Variants in CSDC2 observed in about 807,000 individuals in gnomAD.
CSDC2 encodes the protein cold shock domain-containing protein C2.
A neutral mutation model predicts 15.8 loss-of-function variants in CSDC2; 8 were observed. The ratio of observed to expected loss-of-function variants is 0.51; its 90% CI spans 0.30 to 0.92. The LOEUF (loss-of-function observed/expected upper bound fraction) is 0.92, where lower values mean the gene tolerates loss of function less well. Among genes scored for constraint, CSDC2 ranks in the 40% least tolerant of loss-of-function variants. The pLI is 0.07. For missense variants in CSDC2, 195 were observed against 213.3 expected (o/e 0.91, Z 0.53); for synonymous variants, 96 against 92.3 (o/e 1.04, Z -0.23).
At chr22:41,570,560 G>A (rs1185425973) in intron 1 of CSDC2, among the ~76,000 whole-genome samples, 1 of 152,072 alleles carries the variant, frequency 6.6e-6, no homozygotes, top group Non-Finnish European at 1.5e-5. Context: ...GAGGCCACAG[G>A]CCTGTAACCC....
chr22:41,572,009 A>T lies in CSDC2; in HGVS notation c.44A>T (p.His15Leu). The T allele has an allele frequency of 7.5e-7, 1 of 1,332,254 alleles. No individual in the cohort carries two copies. Among genetic ancestry groups the T allele is most frequent in the South Asian group, 2.2e-5 (1 of 46,376 alleles). 82.5% of individuals were successfully genotyped at this position (1,332,254 alleles called of 1,614,324 possible). A position where few individuals can be genotyped will look rare whatever the true frequency, so the allele number is the denominator to read the frequency against. Residue 15 changes from histidine (H) to leucine (L), a missense_variant, in exon 2 of 4, where the codon CAC becomes CTC. Transcript: ENST00000306149. ...TCACCCCCAGTTGTGCCCCCGCTCCACTCCCCCAAGTCCCCAGTCTGGCCC... is the reference window on the plus strand; with the variant it reads ...TCACCCCCAGTTGTGCCCCCGCTCCTCTCCCCCAAGTCCCCAGTCTGGCCC... ...STSPPVVPPLHSPKSPVWPTF... is the reference protein window; with the variant it reads ...STSPPVVPPLLSPKSPVWPTF...
chr22:41,569,146 C>T (rs919084536), intron 1 of CSDC2, among the ~76,000 whole-genome samples: 2 of 152,264 alleles, frequency 1.3e-5, no homozygotes, highest in Admixed American at 6.5e-5. Context: ...TCCCCATCGC[C>T]TGCCAACCCT....
Position 41,574,926 on chromosome 22 carries a change from G to A in CSDC2, c.*31G>A. 6.4e-7 allele frequency: 1 copy of A among 1,556,790 alleles called. No homozygotes were observed. Among genetic ancestry groups the A allele is most frequent in the Non-Finnish European group, 8.7e-7 (1 of 1,150,958 alleles). On this transcript the variant is annotated 3_prime_UTR_variant, in exon 4 of 4. Coordinates refer to ENST00000306149, the MANE Select transcript of CSDC2 (RefSeq NM_014460.4). ...GTGGTTCACAGGCCAGCTGGCCGGGGGTTGGGGAGCCACACAGGGTGAACG... is the reference window on the plus strand; with the variant it reads ...GTGGTTCACAGGCCAGCTGGCCGGGAGTTGGGGAGCCACACAGGGTGAACG...
At chr22:41,563,019 C>T (rs1410825012) in intron 1 of CSDC2, among the ~76,000 whole-genome samples, 1 of 152,126 alleles carries the variant, frequency 6.6e-6, no homozygotes, top group Non-Finnish European at 1.5e-5. Context: ...TCTCCCAGTG[C>T]CGTCCTGGTT....
chr22:41,562,440 C>T (rs958143932), intron 1 of CSDC2, among the ~76,000 whole-genome samples: 1 of 148,988 alleles, frequency 6.7e-6, no homozygotes, highest in South Asian at 2.1e-4. Context: ...TAGACAGGAA[C>T]TGCCTGCCCG....
chr22:41,565,710 A>G (rs2067110595), intron 1 of CSDC2, among the ~76,000 whole-genome samples: 1 of 152,228 alleles, frequency 6.6e-6, no homozygotes, highest in Admixed American at 6.5e-5. Context: ...TCATCTGCCA[A>G]GAAGGCTGAG....
At position 41,576,212 on chromosome 22, in the gene CSDC2, T is replaced by C. The variant is rs1457302942; in HGVS notation, c.*1317T>C. ...CAGGATGAGGGGATCAGTGACTGTC[T>C]AGGAGGATCCCTTGCCTTGTAGGTG... On this transcript the variant is annotated 3_prime_UTR_variant, in exon 4 of 4. Transcript: ENST00000306149. 6.6e-6 allele frequency: 1 copy of C among 152,224 alleles called. No homozygotes were observed. Among genetic ancestry groups the C allele is most frequent in the East Asian group, 1.9e-4 (1 of 5,188 alleles). 9.4% of individuals were successfully genotyped at this position (152,224 alleles called of 1,614,324 possible). A position where few individuals can be genotyped will look rare whatever the true frequency, so the allele number is the denominator to read the frequency against.
chr22:41,566,917 C>A (rs1383883141), intron 1 of CSDC2, among the ~76,000 whole-genome samples: 8 of 149,764 alleles, frequency 5.3e-5, no homozygotes, highest in African/African-American at 1.5e-4. Flanking sequence ...ACAGAGCGAT[C>A]CTCCGTCTCA....
At chr22:41,573,370 T>A (rs78365363) in intron 2 of CSDC2, among the ~76,000 whole-genome samples, 1,941 of 149,776 alleles carry the variant, frequency 0.013, 35 homozygotes, top group African/African-American at 0.043. Flanking sequence ...AAAAAAAAAA[T>A]TTTTTTTGTA....
At chr22:41,569,926 G>T (rs893728814) in intron 1 of CSDC2, among the ~76,000 whole-genome samples, 2 of 151,784 alleles carry the variant, frequency 1.3e-5, no homozygotes, top group African/African-American at 4.8e-5. Flanking sequence ...ACTACAGGTG[G>T]ATGCCATCAC....
intron 1 of CSDC2, among the ~76,000 whole-genome samples, chr22:41,564,210 C>T (rs1240963397): frequency 1.3e-5 from 2 of 151,878 alleles, no homozygotes; most frequent in Non-Finnish European, 1.5e-5. Context: ...ATCAATAGAT[C>T]ACTAGATGGT....
At chr22:41,571,269 G>A (rs1034841442) in intron 1 of CSDC2, among the ~76,000 whole-genome samples, 7 of 152,010 alleles carry the variant, frequency 4.6e-5, no homozygotes, top group Admixed American at 3.3e-4. Context: ...CAGGAGAATC[G>A]CTTATACCCA....
intron 1 of CSDC2, among the ~76,000 whole-genome samples, chr22:41,564,155 G>C (rs1398748777): frequency 6.6e-6 from 1 of 151,700 alleles, no homozygotes; most frequent in Non-Finnish European, 1.5e-5. Flanking sequence ...GTTCTTATGA[G>C]TACGAAATGA....
chr22:41,566,192 T>C, intron 1 of CSDC2, among the ~76,000 whole-genome samples: 1 of 144,676 alleles, frequency 6.9e-6, no homozygotes, highest in African/African-American at 2.6e-5. Context: ...ACGCCTGTAA[T>C]CCCAGCACTT....
intron 1 of CSDC2, among the ~76,000 whole-genome samples, chr22:41,571,048 G>A (rs1228326993): frequency 1.3e-5 from 2 of 151,432 alleles, no homozygotes; most frequent in African/African-American, 4.9e-5. Flanking sequence ...ATAAGAGTCA[G>A]AAGTTAAGAG....
chr22:41,572,554 G>A (rs1350103999), intron 2 of CSDC2, among the ~76,000 whole-genome samples: 1 of 151,920 alleles, frequency 6.6e-6, no homozygotes, highest in African/African-American at 2.4e-5. Context: ...GATTTACTGA[G>A]CTCCTGACCA....
chr22:41,571,424 C>T (rs1352902150), intron 1 of CSDC2, among the ~76,000 whole-genome samples: 1 of 152,148 alleles, frequency 6.6e-6, no homozygotes, highest in African/African-American at 2.4e-5. Flanking sequence ...GGATTCAAAC[C>T]CAGGCCTGGG....
At chr22:41,573,235 A>G (rs2067157369) in intron 2 of CSDC2, among the ~76,000 whole-genome samples, 1 of 151,990 alleles carries the variant, frequency 6.6e-6, no homozygotes, top group Admixed American at 6.6e-5. Flanking sequence ...GGTGCCTGTA[A>G]TCCCAGCTAC....
intron 1 of CSDC2, among the ~76,000 whole-genome samples, chr22:41,566,922 G>A (rs1470147341): frequency 1.2e-4 from 17 of 142,684 alleles, no homozygotes; most frequent in South Asian, 8.7e-4. Flanking sequence ...GCGATCCTCC[G>A]TCTCAAAAAA....
Sources: allele counts gnomAD v4.1 joint callset (sites outside exome capture counted in the v4.1 genomes callset), GRCh38; gene constraint gnomAD v4.1.1; transcripts MANE v1.5; gene names NCBI Gene and HGNC (gene_info 2026-07-23, HGNC 2026-07-21).